Variants in TMEM266 observed in about 807,000 individuals in gnomAD.
TMEM266 encodes transmembrane protein 266.
TMEM266 carries 33 observed loss-of-function variants against 50.5 expected under a neutral mutation model. That is an observed-to-expected ratio of 0.65 (90% confidence interval 0.50 to 0.87). The LOEUF (loss-of-function observed/expected upper bound fraction) is 0.87. Ranked by LOEUF, TMEM266 falls within the 40% of genes least tolerant of loss-of-function variation. The probability of loss-of-function intolerance (pLI) is 0.00; values close to 1 mark genes in which losing one functional copy is unlikely to be tolerated. For missense variants in TMEM266, 655 were observed against 695.1 expected (o/e 0.94, Z 0.65); for synonymous variants, 310 against 292.3 (o/e 1.06, Z -0.62).
intron 1 of TMEM266, among the ~76,000 whole-genome samples, chr15:76,111,230 G>A (rs574272603): frequency 3.3e-5 from 5 of 152,126 alleles, no homozygotes; most frequent in South Asian, 2.1e-4. Flanking sequence ...ACAGGTGTGC[G>A]CCACAATGCC....
chr15:76,073,303 G>T (rs549688354), intron 1 of TMEM266, among the ~76,000 whole-genome samples: 2 of 151,212 alleles, frequency 1.3e-5, no homozygotes, highest in South Asian at 4.2e-4. Flanking sequence ...TGCGATCTCG[G>T]CTCACTGCAA....
intron 8 of TMEM266, among the ~76,000 whole-genome samples, chr15:76,185,189 C>T (rs2038475288): frequency 2.0e-5 from 3 of 152,130 alleles, no homozygotes; most frequent in Non-Finnish European, 4.4e-5. Context: ...AGTTCTTGGC[C>T]ATGGTTTCTT....
At chr15:76,151,709 C>G (rs145454135) in intron 3 of TMEM266, among the ~76,000 whole-genome samples, 187 of 152,272 alleles carry the variant, frequency 1.2e-3, no homozygotes, top group Non-Finnish European at 2.3e-3. Context: ...TTCTGAGATA[C>G]CTGTTACCTC....
At chr15:76,148,921 C>T (rs192667748) in intron 3 of TMEM266, among the ~76,000 whole-genome samples, 73 of 152,254 alleles carry the variant, frequency 4.8e-4, no homozygotes, top group African/African-American at 1.7e-3. Flanking sequence ...CTGAAGCTGC[C>T]GGTATGGAAA....
intron 1 of TMEM266, among the ~76,000 whole-genome samples, chr15:76,127,323 C>CTT (rs530406441): frequency 0.037 from 5,100 of 138,952 alleles, 313 homozygotes; most frequent in African/African-American, 0.13. Context: ...ACCTCTAGTC[C>CTT]TTTTTTTTTT....
chr15:76,086,928 CG>C lies in TMEM266; in HGVS notation c.-97+26922del, dbSNP rs34966558. Among the ~76,000 whole-genome samples, 189 of 84,636 alleles carry C rather than the reference CG, an allele frequency of 2.2e-3. 2 individuals are homozygous for C. The highest frequency in any genetic ancestry group is 0.011 in the Middle Eastern group (2 of 180). 55.5% of individuals were successfully genotyped at this position (84,636 alleles called of 152,430 possible). A position where few individuals can be genotyped will look rare whatever the true frequency, so the allele number is the denominator to read the frequency against. ...TGCCATGCAGAAAAAGGGAGCAGGT[CG>C]GGGGGGGGGCGGTGGTGTTGCAAAG... On this transcript the variant is annotated intron_variant, in intron 1 of 10. Coordinates refer to ENST00000388942, the MANE Select transcript of TMEM266 (RefSeq NM_152335.3).
chr15:76,111,130 G>A lies in TMEM266; in HGVS notation c.-96-23038G>A, dbSNP rs181896783. 2.1e-3 allele frequency among the ~76,000 whole-genome samples: 317 copies of A among 151,900 alleles called. 2 individuals are homozygous for A. The highest frequency in any genetic ancestry group is 3.4e-3 in the Non-Finnish European group (234 of 67,958). On this transcript the variant is annotated intron_variant, in intron 1 of 10. Transcript: ENST00000388942. ...AGTTTCGCTTTTGTTGCCCAGGCTGGAGTGCAATGGCACGGTCTCGGCTCA... is the reference window on the plus strand; with the variant it reads ...AGTTTCGCTTTTGTTGCCCAGGCTGAAGTGCAATGGCACGGTCTCGGCTCA...
chr15:76,168,965 G>A lies in TMEM266; in HGVS notation c.457-851G>A, dbSNP rs1003968442. Among the ~76,000 whole-genome samples the A allele has an allele frequency of 2.0e-5, 3 of 152,232 alleles. No homozygotes were observed. The highest frequency in any genetic ancestry group is 6.5e-5 in the Admixed American group (1 of 15,282). On this transcript the variant is annotated intron_variant, in intron 5 of 10. Coordinates refer to ENST00000388942, the MANE Select transcript of TMEM266 (RefSeq NM_152335.3). This position sits in a 1 kb window ranked among gnomAD's most constrained non-coding sequence, Gnocchi z 4.4. ...GCTGTTACAAGAAAACCAAAATACA[G>A]GGGCTTAAACAAGGCAAGGTCCATT...
At chr15:76,159,356 C>T (rs79392556) in intron 4 of TMEM266, among the ~76,000 whole-genome samples, 1 of 152,158 alleles carries the variant, frequency 6.6e-6, no homozygotes, top group Non-Finnish European at 1.5e-5. Flanking sequence ...AAAGAAAATG[C>T]CTTAACTCTA....
intron 5 of TMEM266, among the ~76,000 whole-genome samples, chr15:76,165,466 C>T (rs1223680743): frequency 6.6e-6 from 1 of 152,254 alleles, no homozygotes. Flanking sequence ...GAGCAGCCTC[C>T]TGAAGGCAAA....
At chr15:76,199,545 G>A (rs1469260643) in intron 9 of TMEM266, among the ~76,000 whole-genome samples, 13 of 146,714 alleles carry the variant, frequency 8.9e-5, no homozygotes, top group Non-Finnish European at 4.5e-5. Context: ...AGACCTGGGT[G>A]TCCGTGCTGG....
At chr15:76,189,836 A>ATCTT (rs2038541278) in intron 8 of TMEM266, among the ~76,000 whole-genome samples, 13 of 152,046 alleles carry the variant, frequency 8.6e-5, no homozygotes, top group Admixed American at 8.5e-4. Context: ...TTAAATGAAA[A>ATCTT]TCTTTCCCCC....
At chr15:76,128,417 G>A (rs16967886) in intron 1 of TMEM266, among the ~76,000 whole-genome samples, 1,822 of 152,310 alleles carry the variant, frequency 0.012, 37 homozygotes, top group African/African-American at 0.04. Context: ...TAAATACATA[G>A]ACTCATGACC....
chr15:76,162,765 C>G (rs558057152), intron 5 of TMEM266, among the ~76,000 whole-genome samples: 2 of 152,308 alleles, frequency 1.3e-5, no homozygotes, highest in African/African-American at 4.8e-5. Flanking sequence ...GAAAGAAAGT[C>G]CGACCGAGTG....
chr15:76,088,350 A>G (rs1332984615), intron 1 of TMEM266, among the ~76,000 whole-genome samples: 2 of 152,210 alleles, frequency 1.3e-5, no homozygotes, highest in African/African-American at 4.8e-5. Context: ...GTTAGGAAAG[A>G]AACAGTAAAT....
At chr15:76,096,949 T>G (rs2036929468) in intron 1 of TMEM266, among the ~76,000 whole-genome samples, 2 of 149,304 alleles carry the variant, frequency 1.3e-5, no homozygotes, top group East Asian at 2.0e-4. Flanking sequence ...TTTTTTTTTT[T>G]GCTTTCCATT....
intron 1 of TMEM266, among the ~76,000 whole-genome samples, chr15:76,086,760 G>A (rs149461470): frequency 3.3e-4 from 50 of 152,238 alleles, no homozygotes; most frequent in African/African-American, 1.1e-3. Context: ...CTATGCAAAC[G>A]TCTGATTCGT....
intron 1 of TMEM266, among the ~76,000 whole-genome samples, chr15:76,082,080 T>G (rs898814015): frequency 3.3e-5 from 5 of 152,194 alleles, no homozygotes; most frequent in Non-Finnish European, 7.3e-5. Context: ...TTGGCTGTAT[T>G]GCATCAACAA....
intron 5 of TMEM266, among the ~76,000 whole-genome samples, chr15:76,164,134 T>A (rs1361405793): frequency 1.3e-5 from 2 of 152,190 alleles, no homozygotes; most frequent in East Asian, 1.9e-4. Context: ...AACAAAATCT[T>A]ACAGTGTGTA....
Sources: gnomAD v4.1 joint callset for allele counts (sites outside exome capture counted in the v4.1 genomes callset) on GRCh38, gnomAD v4.1.1 for gene constraint, Gnocchi (gnomAD v3.1) non-coding constraint, MANE v1.5 for transcripts, NCBI Gene and HGNC (gene_info 2026-07-23, HGNC 2026-07-21) for gene names.